The following FHIT variants were observed in gnomAD, a reference collection of about 807,000 sequenced individuals.
FHIT encodes bis(5'-adenosyl)-triphosphatase.
FHIT carries 19 observed loss-of-function variants against 17.9 expected under a neutral mutation model. The observed-to-expected ratio is 1.06, with a 90% CI of 0.74 to 1.56. The LOEUF (loss-of-function observed/expected upper bound fraction) is 1.56, where lower values mean the gene tolerates loss of function less well. Among genes scored for constraint, FHIT ranks in the 40% most tolerant of loss-of-function variants. FHIT has a pLI of 0.00. For synonymous variants in FHIT, 81 were observed against 69.7 expected, an observed-to-expected ratio of 1.16 and a Z score of -0.81; for missense variants, 248 against 189.2, an observed-to-expected ratio of 1.31 and a Z score of -1.82.
At chr3:59,758,805 C>T (rs1277594153) in intron 8 of FHIT, among the ~76,000 whole-genome samples, 1 of 151,992 alleles carries the variant, frequency 6.6e-6, no homozygotes, top group Non-Finnish European at 1.5e-5. Flanking sequence ...ATGGCATTAA[C>T]AGCTTGAGAA....
chr3:60,286,855 G>C (rs980438707), intron 5 of FHIT, among the ~76,000 whole-genome samples: 3 of 151,832 alleles, frequency 2.0e-5, no homozygotes, highest in African/African-American at 7.3e-5. Flanking sequence ...CTCCAATTTG[G>C]GAATATAAAT....
At chr3:60,897,352 G>A (rs9853572) in intron 3 of FHIT, among the ~76,000 whole-genome samples, 2,807 of 152,158 alleles carry the variant, frequency 0.018, 73 homozygotes, top group African/African-American at 0.062. Flanking sequence ...TCTCCTCAAC[G>A]TGTAGTAACT....
intron 5 of FHIT, among the ~76,000 whole-genome samples, chr3:60,298,511 T>G (rs904872070): frequency 1.3e-5 from 2 of 152,192 alleles, no homozygotes; most frequent in Admixed American, 6.5e-5. Flanking sequence ...TCCAACACTG[T>G]GTTGAATAGT....
At chr3:60,653,669 A>G (rs977435068) in intron 4 of FHIT, among the ~76,000 whole-genome samples, 24 of 7,196 alleles carry the variant, frequency 3.3e-3, no homozygotes, top group Non-Finnish European at 6.1e-3. Flanking sequence ...CTGAAAAGTA[A>G]AAAAAAAAAG....
At chr3:59,970,265 A>G (rs1708115250) in intron 7 of FHIT, among the ~76,000 whole-genome samples, 1 of 152,188 alleles carries the variant, frequency 6.6e-6, no homozygotes, top group Non-Finnish European at 1.5e-5. Flanking sequence ...TGAGAGCACA[A>G]GACACTATTC....
intron 3 of FHIT, among the ~76,000 whole-genome samples, chr3:61,004,515 G>T (rs777343703): frequency 4.6e-5 from 7 of 152,208 alleles, no homozygotes; most frequent in Non-Finnish European, 1.0e-4. Context: ...ATCATCACAC[G>T]ACATAAAGGG....
chr3:59,953,021 C>T (rs973876326), intron 7 of FHIT, among the ~76,000 whole-genome samples: 1 of 151,844 alleles, frequency 6.6e-6, no homozygotes, highest in Non-Finnish European at 1.5e-5. Flanking sequence ...TGTCTCTCCA[C>T]CCCCCGAAGT....
At chr3:61,210,258 C>A (rs1452592015) in intron 1 of FHIT, among the ~76,000 whole-genome samples, 1 of 151,656 alleles carries the variant, frequency 6.6e-6, no homozygotes, top group Non-Finnish European at 1.5e-5. Flanking sequence ...GGGTCAGGGA[C>A]CCACTTGAGG....
At chr3:61,029,992 C>T (rs965349722) in intron 3 of FHIT, among the ~76,000 whole-genome samples, 3 of 152,154 alleles carry the variant, frequency 2.0e-5, no homozygotes, top group African/African-American at 7.2e-5. Context: ...TTGTTTGAGA[C>T]AGGGACTCAC....
chr3:60,856,512 T>A (rs1398953415), intron 3 of FHIT: 3 of 152,122 alleles, frequency 2.0e-5, no homozygotes, highest in African/African-American at 7.2e-5. Flanking sequence ...GGAGAGAACA[T>A]TGCATATCTT....
intron 6 of FHIT, among the ~76,000 whole-genome samples, 188 bp from the exon 7 acceptor site, chr3:60,011,588 C>A (rs967326159): frequency 6.6e-6 from 1 of 151,980 alleles, no homozygotes; most frequent in Admixed American, 6.6e-5. Context: ...AGAGTAAGTG[C>A]GAAGTTATGT....
chr3:61,008,979 G>C (rs1015127007), intron 3 of FHIT, among the ~76,000 whole-genome samples: 1 of 152,132 alleles, frequency 6.6e-6, no homozygotes, highest in East Asian at 1.9e-4. Flanking sequence ...CTACTCGATA[G>C]TTCACACAGT....
intron 5 of FHIT, among the ~76,000 whole-genome samples, chr3:60,292,706 G>A (rs949630518): frequency 1.3e-5 from 2 of 152,082 alleles, no homozygotes; most frequent in South Asian, 4.1e-4. Context: ...GGAAATCAAA[G>A]AATGAAAGCT....
At chr3:61,150,779 A>G (rs1434244736) in intron 2 of FHIT, among the ~76,000 whole-genome samples, 1 of 152,180 alleles carries the variant, frequency 6.6e-6, no homozygotes, top group Non-Finnish European at 1.5e-5. Context: ...CACCGACAGC[A>G]ATGGGGCTTT....
chr3:61,241,883 A>G (rs2040381634), intron 1 of FHIT, among the ~76,000 whole-genome samples: 1 of 152,140 alleles, frequency 6.6e-6, no homozygotes, highest in Admixed American at 6.5e-5. Flanking sequence ...TACCCCTAAA[A>G]TAAGTGATTT....
At chr3:60,988,345 T>C (rs990070687) in intron 3 of FHIT, among the ~76,000 whole-genome samples, 1 of 152,238 alleles carries the variant, frequency 6.6e-6, no homozygotes, top group African/African-American at 2.4e-5. Flanking sequence ...ACCTACCATG[T>C]GCCAAGGGCT....
At chr3:60,701,452 A>G (rs2041244877) in intron 4 of FHIT, among the ~76,000 whole-genome samples, 1 of 152,134 alleles carries the variant, frequency 6.6e-6, no homozygotes, top group Non-Finnish European at 1.5e-5. Context: ...CCAAACTTTT[A>G]AGAATAATGT....
intron 5 of FHIT, among the ~76,000 whole-genome samples, chr3:60,393,183 AC>A (rs898988381): frequency 6.6e-6 from 1 of 151,962 alleles, no homozygotes; most frequent in African/African-American, 2.4e-5. Context: ...GATTGCATTG[AC>A]CCCCAATTCT....
At chr3:60,009,219 GTGTGTGTGTGTA>G (rs1266899782) in intron 7 of FHIT, among the ~76,000 whole-genome samples, 65 of 134,378 alleles carry the variant, frequency 4.8e-4, no homozygotes, top group African/African-American at 1.5e-3. Context: ...GTGTGTGTGT[GTGTGTGTGTGTA>G]TGGTGGTTTT....
Sources: gnomAD v4.1 joint callset for allele counts (sites outside exome capture counted in the v4.1 genomes callset) on GRCh38, gnomAD v4.1.1 for gene constraint, MANE v1.5 for transcripts, NCBI Gene and HGNC (gene_info 2026-07-23, HGNC 2026-07-21) for gene names.